Variants in GALNT2 observed in about 807,000 individuals in gnomAD.
The protein encoded by GALNT2 is UDP-GalNAc:polypeptide N-acetylgalactosaminyltransferase 2.
Under a neutral mutation model 81.4 loss-of-function variants are expected in GALNT2, and 31 were observed. The ratio of observed to expected loss-of-function variants is 0.38; its 90% CI spans 0.29 to 0.51. The LOEUF is 0.51. GALNT2 is among the 20% of genes least tolerant of loss of function. GALNT2 has a pLI of 0.87. For missense variants in GALNT2, 629 were observed against 765.7 expected (o/e 0.82, Z 2.11); for synonymous variants, 303 against 287.4 (o/e 1.05, Z -0.55).
chr1:230,099,437 A>G (rs1660339620), intron 1 of GALNT2, among the ~76,000 whole-genome samples: 1 of 152,130 alleles, frequency 6.6e-6, no homozygotes, highest in Non-Finnish European at 1.5e-5. Flanking sequence ...AAATGTGAAT[A>G]CACCAATGGT....
chr1:230,156,233 A>AAGAG (rs71173784), intron 1 of GALNT2, among the ~76,000 whole-genome samples: 6 of 119,376 alleles, frequency 5.0e-5, no homozygotes, highest in African/African-American at 1.2e-4. Context: ...GAGAGAGAGA[A>AAGAG]AGAGAGAGAG....
intron 1 of GALNT2, among the ~76,000 whole-genome samples, chr1:230,137,453 C>G (rs1042314185): frequency 2.0e-5 from 3 of 152,222 alleles, no homozygotes; most frequent in African/African-American, 7.2e-5. Flanking sequence ...CTCCCCTCCC[C>G]ACCTGGCTTT....
intron 1 of GALNT2, among the ~76,000 whole-genome samples, chr1:230,157,017 G>C (rs1041539349): frequency 5.3e-5 from 8 of 152,222 alleles, no homozygotes; most frequent in Non-Finnish European, 2.9e-5. Flanking sequence ...GTAACATTGA[G>C]TCAGAGCCTG....
Position 230,271,303 on chromosome 1 carries a change from T to G in GALNT2, c.1441-3142T>G, listed in dbSNP as rs935207915. The stretch of plus-strand genomic sequence containing the variant: ...TACACTCCACACCTTCCATACTCTG[T>G]GACCCAGTGAATAGGAAAAAAGCTG... On this transcript the variant is annotated intron_variant, in intron 14 of 15. Coordinates refer to ENST00000366672, the MANE Select transcript of GALNT2 (RefSeq NM_004481.5). This position sits in a 1 kb window ranked among gnomAD's most constrained non-coding sequence, Gnocchi z 4.2. Among the ~76,000 whole-genome samples, 4 of 152,228 alleles carry G rather than the reference T, an allele frequency of 2.6e-5. No individual in the cohort carries two copies. The highest frequency in any genetic ancestry group is 6.5e-5 in the Admixed American group (1 of 15,284).
At chr1:230,209,846 G>C (rs533840398) in intron 3 of GALNT2, among the ~76,000 whole-genome samples, 1 of 151,592 alleles carries the variant, frequency 6.6e-6, no homozygotes, top group African/African-American at 2.4e-5. Context: ...AAAGTCTATT[G>C]TTTAAGGTCC....
chr1:230,161,808 C>T (rs977835296), intron 1 of GALNT2, among the ~76,000 whole-genome samples: 1 of 152,182 alleles, frequency 6.6e-6, no homozygotes, highest in Non-Finnish European at 1.5e-5. Flanking sequence ...GATCTCATTA[C>T]ACCTTAATTC....
intron 11 of GALNT2, 143 bp downstream of exon 11, chr1:230,255,487 G>T: frequency 1.8e-6 from 2 of 1,140,550 alleles, no homozygotes; most frequent in Non-Finnish European, 2.5e-6. Context: ...CAATTGAAAG[G>T]CGCATTCCAC....
chr1:230,147,921 T>C (rs778394255), intron 1 of GALNT2, among the ~76,000 whole-genome samples: 2 of 152,352 alleles, frequency 1.3e-5, no homozygotes, highest in Non-Finnish European at 2.9e-5. Flanking sequence ...TGGTAGATGC[T>C]CCTAGCACAC....
At chr1:230,119,418 T>C (rs1188280860) in intron 1 of GALNT2, among the ~76,000 whole-genome samples, 5 of 152,092 alleles carry the variant, frequency 3.3e-5, no homozygotes, top group Non-Finnish European at 7.4e-5. Context: ...CCCATTTGAT[T>C]TGTTTCTTCC....
chr1:230,166,801 G>T (rs527791468), intron 1 of GALNT2, among the ~76,000 whole-genome samples: 48 of 152,310 alleles, frequency 3.2e-4, no homozygotes, highest in Non-Finnish European at 5.1e-4. Context: ...TGAAGATAAG[G>T]GGTAATTGCT....
Position 230,271,593 on chromosome 1 carries a change from C to T in GALNT2, c.1441-2852C>T, listed in dbSNP as rs1473663908. Among the ~76,000 whole-genome samples the T allele has an allele frequency of 2.0e-5, 3 of 152,244 alleles. No individual in the cohort carries two copies. Among genetic ancestry groups the T allele is most frequent in the East Asian group, 3.8e-4 (2 of 5,206 alleles). ...CTGTCTGACTGTAAATCAGGGCTCC[C>T]GCGACCTCGCCTTGAATTCATTCAT... is the stretch of plus-strand genomic sequence containing the variant. On this transcript the variant is annotated intron_variant, in intron 14 of 15. Transcript: ENST00000366672. The surrounding 1 kb of genome is among the most constrained non-coding windows in gnomAD (Gnocchi z 4.2).
chr1:230,194,536 G>A (rs1196277317), intron 2 of GALNT2, among the ~76,000 whole-genome samples: 1 of 152,218 alleles, frequency 6.6e-6, no homozygotes, highest in Non-Finnish European at 1.5e-5. Context: ...CATGGCTACA[G>A]GGATAAGAAG....
chr1:230,225,695 TA>T (rs1553270873), intron 3 of GALNT2, among the ~76,000 whole-genome samples: 6 of 151,262 alleles, frequency 4.0e-5, no homozygotes, highest in Non-Finnish European at 8.8e-5. Flanking sequence ...TTTTTTTTTT[TA>T]ACCTCTGTGC....
At chr1:230,196,397 A>G (rs1178329251) in intron 2 of GALNT2, among the ~76,000 whole-genome samples, 2 of 152,044 alleles carry the variant, frequency 1.3e-5, no homozygotes, top group Non-Finnish European at 2.9e-5. Context: ...ATTTCCGTAC[A>G]TTTGCTTGGG....
intron 1 of GALNT2, among the ~76,000 whole-genome samples, chr1:230,146,876 C>T (rs767498013): frequency 4.6e-5 from 7 of 152,096 alleles, no homozygotes; most frequent in African/African-American, 7.2e-5. Flanking sequence ...GTAAGAACCA[C>T]GCAGGGTCCT....
chr1:230,238,587 A>ATT (rs1181112481), intron 6 of GALNT2, among the ~76,000 whole-genome samples: 3 of 152,226 alleles, frequency 2.0e-5, no homozygotes, highest in Admixed American at 1.3e-4. Flanking sequence ...CCATGTTAAT[A>ATT]ATGAGATAAA....
chr1:230,150,768 A>G (rs1414087945), intron 1 of GALNT2, among the ~76,000 whole-genome samples: 2 of 151,828 alleles, frequency 1.3e-5, no homozygotes, highest in Non-Finnish European at 2.9e-5. Context: ...ACAGACACAC[A>G]CTCCTTTTCC....
At chr1:230,245,399 G>A (rs948290903) in intron 7 of GALNT2, among the ~76,000 whole-genome samples, 40 of 152,034 alleles carry the variant, frequency 2.6e-4, no homozygotes, top group Admixed American at 2.3e-3. Context: ...GCGAGGCGGC[G>A]GTTGTGGTGA....
At chr1:230,127,108 C>G (rs1026952358) in intron 1 of GALNT2, among the ~76,000 whole-genome samples, 3 of 152,296 alleles carry the variant, frequency 2.0e-5, no homozygotes, top group East Asian at 1.9e-4. Context: ...ACGTCCCCCC[C>G]TCCCATTGCT....
Sources: allele counts gnomAD v4.1 joint callset (sites outside exome capture counted in the v4.1 genomes callset), GRCh38; gene constraint gnomAD v4.1.1; non-coding constraint Gnocchi (gnomAD v3.1); transcripts MANE v1.5; gene names NCBI Gene and HGNC (gene_info 2026-07-23, HGNC 2026-07-21).